Variants in SORCS1 observed in about 807,000 individuals in gnomAD.
The protein encoded by SORCS1 is VPS10 domain-containing receptor SorCS1.
Under a neutral mutation model 146.1 loss-of-function variants are expected in SORCS1, and 60 were observed. The ratio of observed to expected loss-of-function variants is 0.41; its 90% CI spans 0.33 to 0.51. The LOEUF is 0.51. Ranked by LOEUF, SORCS1 falls within the 20% of genes least tolerant of loss-of-function variation. The pLI, the probability that SORCS1 is intolerant of heterozygous loss-of-function variation, is 0.21. For missense variants in SORCS1, 1,352 were observed against 1,487.6 expected (o/e 0.91, Z 1.50); for synonymous variants, 637 against 584.0 (o/e 1.09, Z -1.31).
chr10:106,930,770 C>G (rs1953378131), intron 2 of SORCS1, among the ~76,000 whole-genome samples: 1 of 152,082 alleles, frequency 6.6e-6, no homozygotes, highest in African/African-American at 2.4e-5. Context: ...GATAAGGCTT[C>G]TAGGTGAAAC....
intron 24 of SORCS1, among the ~76,000 whole-genome samples, chr10:106,596,904 T>C (rs1228312823): frequency 6.6e-6 from 1 of 152,114 alleles, no homozygotes; most frequent in Non-Finnish European, 1.5e-5. Context: ...CAGGTTGGAG[T>C]GCGGTGGCGT....
intron 2 of SORCS1, among the ~76,000 whole-genome samples, chr10:106,876,959 C>T (rs759272429): frequency 7.9e-5 from 12 of 152,138 alleles, no homozygotes; most frequent in Non-Finnish European, 1.3e-4. Flanking sequence ...TTCTGGAGGA[C>T]AAAGACTGTG....
At chr10:106,622,487 GGGTAA>G (rs1847818513) in intron 19 of SORCS1, among the ~76,000 whole-genome samples, 1 of 151,976 alleles carries the variant, frequency 6.6e-6, no homozygotes, top group African/African-American at 2.4e-5. Context: ...AGTATTCACT[GGGTAA>G]AACAAATGAT....
At chr10:106,974,555 A>G (rs1955915951) in intron 1 of SORCS1, among the ~76,000 whole-genome samples, 1 of 152,216 alleles carries the variant, frequency 6.6e-6, no homozygotes, top group South Asian at 2.1e-4. Flanking sequence ...ACAAGGATGC[A>G]GGGTGACCTT....
intron 1 of SORCS1, among the ~76,000 whole-genome samples, chr10:107,147,578 T>C (rs1048608838): frequency 1.3e-5 from 2 of 152,142 alleles, no homozygotes; most frequent in African/African-American, 4.8e-5. Flanking sequence ...GTAGAACAAT[T>C]TGGATGAGAC....
At chr10:107,132,971 G>A (rs967729436) in intron 1 of SORCS1, among the ~76,000 whole-genome samples, 8 of 152,116 alleles carry the variant, frequency 5.3e-5, no homozygotes, top group Non-Finnish European at 7.4e-5. Flanking sequence ...ATTTTGTTTC[G>A]TCCCCCTTAT....
rs978083768 is a variant in SORCS1 at position 107,145,766 on chromosome 10, TCTAA to T, written c.558+18199_558+18202del. ...CAAGTTAGCAAGTGCACACACACAA[TCTAA>T]CTAAAACAGTTTCTGATTTGGGAGA... On this transcript the variant is annotated intron_variant, in intron 1 of 25. Coordinates refer to ENST00000263054, the MANE Select transcript of SORCS1 (RefSeq NM_052918.5). 5.1e-4 allele frequency among the ~76,000 whole-genome samples: 78 copies of T among 152,278 alleles called. 1 individual carries two copies. Among genetic ancestry groups the T allele is most frequent in the African/African-American group, 1.6e-3 (66 of 41,572 alleles).
intron 1 of SORCS1, among the ~76,000 whole-genome samples, chr10:107,085,793 A>C (rs1963711772): frequency 6.6e-6 from 1 of 152,168 alleles, no homozygotes; most frequent in Admixed American, 6.5e-5. Flanking sequence ...ACAACCATAC[A>C]ATGATTTTCT....
chr10:107,061,016 A>ATT (rs1961165321), intron 1 of SORCS1, among the ~76,000 whole-genome samples: 1 of 152,214 alleles, frequency 6.6e-6, no homozygotes, highest in African/African-American at 2.4e-5. Flanking sequence ...ATGAGTAAAA[A>ATT]ATAACAGTAA....
At chr10:106,726,194 T>C (rs1205373189) in intron 6 of SORCS1, among the ~76,000 whole-genome samples, 2 of 143,086 alleles carry the variant, frequency 1.4e-5, no homozygotes, top group Non-Finnish European at 3.0e-5. Context: ...TCTTTTTTTT[T>C]TTTTTTTTTT....
At chr10:106,867,329 C>G (rs867568015) in intron 2 of SORCS1, among the ~76,000 whole-genome samples, 7 of 151,034 alleles carry the variant, frequency 4.6e-5, no homozygotes, top group African/African-American at 1.5e-4. Context: ...CTGTCGCCCA[C>G]GCTGGAGTGC....
At position 106,955,388 on chromosome 10, in the gene SORCS1, G is replaced by A. The variant is rs574310393; in HGVS notation, c.626+1125C>T. Among the ~76,000 whole-genome samples, 157 of 152,298 alleles carry A rather than the reference G, an allele frequency of 1.0e-3. 1 individual carries two copies. Among genetic ancestry groups the A allele is most frequent in the Admixed American group, 3.7e-3 (57 of 15,302 alleles). The stretch of plus-strand genomic sequence containing the variant: ...TGCCCACCCCATCACAGCAGCTGGC[G>A]CACCTGGCTTGCCCTTGGCAGGCAT... On this transcript the variant is annotated intron_variant, in intron 2 of 25. Coordinates refer to ENST00000263054, the MANE Select transcript of SORCS1 (RefSeq NM_052918.5).
intron 2 of SORCS1, among the ~76,000 whole-genome samples, chr10:106,873,131 A>G (rs1410925342): frequency 2.6e-5 from 4 of 152,024 alleles, no homozygotes; most frequent in Admixed American, 6.5e-5. Flanking sequence ...CCGAGATTGC[A>G]CCACTGCACT....
chr10:107,070,785 A>G (rs1294774588), intron 1 of SORCS1, among the ~76,000 whole-genome samples: 3 of 152,206 alleles, frequency 2.0e-5, no homozygotes, highest in African/African-American at 7.2e-5. Flanking sequence ...CTTAATGACT[A>G]TGTTACTGAA....
At chr10:106,893,067 T>C (rs1175043107) in intron 2 of SORCS1, among the ~76,000 whole-genome samples, 1 of 151,506 alleles carries the variant, frequency 6.6e-6, no homozygotes, top group East Asian at 1.9e-4. Context: ...GCTAGTTTTT[T>C]GTATTTTTTT....
At chr10:107,008,830 T>C (rs1185732498) in intron 1 of SORCS1, among the ~76,000 whole-genome samples, 3 of 152,148 alleles carry the variant, frequency 2.0e-5, no homozygotes, top group Admixed American at 2.0e-4. Flanking sequence ...ACCCCGTCTC[T>C]ACTAAAAATA....
In SORCS1 at chr10:106,576,860, C is replaced by A. The variant is rs1844601932; in HGVS notation, c.*560G>T. The A allele has an allele frequency of 5.5e-6, 1 of 180,254 alleles. No individual in the cohort carries two copies. The highest frequency in any genetic ancestry group is 1.2e-5 in the Non-Finnish European group (1 of 85,656). 11.2% of individuals were successfully genotyped at this position (180,254 alleles called of 1,614,324 possible). On this transcript the variant is annotated 3_prime_UTR_variant, in exon 26 of 26. Coordinates refer to ENST00000263054, the MANE Select transcript of SORCS1 (RefSeq NM_052918.5). Reference sequence around the variant, plus strand: ...CTAATCCACCCATCAGCCTTTAATGCTAAAATAGCTGATAAATCTAGAGCC... The same window carrying A: ...CTAATCCACCCATCAGCCTTTAATGATAAAATAGCTGATAAATCTAGAGCC...
At chr10:107,118,467 T>C (rs978576436) in intron 1 of SORCS1, among the ~76,000 whole-genome samples, 2 of 152,222 alleles carry the variant, frequency 1.3e-5, no homozygotes, top group African/African-American at 4.8e-5. Context: ...CATATGCATA[T>C]GCCCATGACA....
chr10:107,097,684 C>A (rs773173128), intron 1 of SORCS1, among the ~76,000 whole-genome samples: 3 of 152,192 alleles, frequency 2.0e-5, no homozygotes, highest in Non-Finnish European at 4.4e-5. Context: ...GCTATTATGG[C>A]TCCCTCTCGA....
Sources: gnomAD v4.1 joint callset for allele counts (sites outside exome capture counted in the v4.1 genomes callset) on GRCh38, gnomAD v4.1.1 for gene constraint, MANE v1.5 for transcripts, NCBI Gene and HGNC (gene_info 2026-07-23, HGNC 2026-07-21) for gene names.